The following PITPNM1 variants were observed in gnomAD, a reference collection of about 807,000 sequenced individuals.
PITPNM1 encodes membrane-associated phosphatidylinositol transfer protein 1.
In PITPNM1, 74 loss-of-function variants were observed where a neutral mutation model predicts 133.3. The observed-to-expected ratio is 0.56, with a 90% CI of 0.46 to 0.67. PITPNM1 has a LOEUF of 0.67. Ranked by LOEUF, PITPNM1 falls within the 30% of genes least tolerant of loss-of-function variation. The probability of loss-of-function intolerance (pLI) is 0.00; values close to 1 mark genes in which losing one functional copy is unlikely to be tolerated. For synonymous variants in PITPNM1, 738 were observed against 741.4 expected (o/e 1.00, Z 0.08); for missense variants, 1,398 against 1,739.5 (o/e 0.80, Z 3.49).
At chr11:67,503,950 C>T (rs1250921525) in intron 2 of PITPNM1, 153 bp downstream of exon 2, 10 of 562,552 alleles carry the variant, frequency 1.8e-5, no homozygotes, top group Non-Finnish European at 2.8e-5. Context: ...GCCCTCCTGC[C>T]CCTCTTCCCA....
upstream of PITPNM1, chr11:67,506,148 C>G (rs954248931): frequency 6.5e-6 from 1 of 153,154 alleles, no homozygotes; most frequent in South Asian, 2.1e-4. Context: ...GTTGTCAGGG[C>G]ATTAGGGCGT....
chr11:67,493,979 G>A lies in PITPNM1; in HGVS notation c.2951C>T (p.Pro984Leu), dbSNP rs1866023270. ...GCCCAGCGCGCGTTCTGGGGGAACT[G>A]GGAAGGTGAGGCGGCCCGAGCTATT... Reference protein sequence around the residue: ...VTNSSGRLTFPVPPERALGIG... With the variant: ...VTNSSGRLTFLVPPERALGIG... The change falls in exon 20 of 24, where the codon CCA (proline) becomes CTA (leucine). Residue 984 changes from proline to leucine, a missense_variant. By Grantham distance (98) the Pro-to-Leu change is moderately conservative. Around this residue, in one of 5 missense-constraint regions of PITPNM1, gnomAD observed 233 missense variants for 378.0 expected, o/e 0.62. Transcript: ENST00000356404. 6.2e-7 allele frequency: 1 copy of A among 1,611,946 alleles called. No homozygotes were observed. Among genetic ancestry groups the A allele is most frequent in the South Asian group, 1.1e-5 (1 of 90,940 alleles).
rs1866011887 is a variant in PITPNM1 at position 67,493,738 on chromosome 11, G to A, written c.3108C>T (p.Ser1036=). Residue 1036 remains serine (S), a synonymous_variant, in exon 21 of 24, where the codon TCC becomes TCT. Coordinates refer to ENST00000356404, the MANE Select transcript of PITPNM1 (RefSeq NM_004910.3). ...SIDGSFTASV[S]IMGSDPKVRA... is the part of the protein sequence containing the mutation. ...GCACCTTGGGGTCGCTGCCCATGAT[G>A]GAGACGCTGGCGGTGAAGGAGCCGT... 1.3e-6 allele frequency: 2 copies of A among 1,548,366 alleles called. No individual in the cohort carries two copies. The highest frequency in any genetic ancestry group is 1.7e-6 in the Non-Finnish European group (2 of 1,147,190).
At chr11:67,497,822 G>T in intron 12 of PITPNM1, 95 bp downstream of exon 12, 1 of 1,460,192 alleles carries the variant, frequency 6.8e-7, no homozygotes, top group Non-Finnish European at 9.4e-7. Flanking sequence ...CAGGGGGCCT[G>T]CCTGCTGGCA....
In PITPNM1 at chr11:67,497,914, G is replaced by T. The variant is rs376803073; in HGVS notation, c.1782+3C>A. ...TGAGGAGGCCGGGTTTGGCTATACT[G>T]ACCATGCTCCCACGGCGGCTGCTGC... On this transcript the variant is annotated splice_donor_region_variant and intron_variant, in intron 12 of 23. Transcript: ENST00000356404. 166 of 1,610,062 alleles carry T rather than the reference G, an allele frequency of 1.0e-4. No individual in the cohort carries two copies. The highest frequency in any genetic ancestry group is 1.4e-4 in the Non-Finnish European group (164 of 1,179,548).
rs1427152690 is a variant in PITPNM1 at position 67,495,193 on chromosome 11, C to A, written c.2515G>T (p.Asp839Tyr). 2 of 1,607,384 alleles carry A rather than the reference C, an allele frequency of 1.2e-6. No individual in the cohort carries two copies. Among genetic ancestry groups the A allele is most frequent in the Non-Finnish European group, 1.7e-6 (2 of 1,176,950 alleles). The change falls in exon 17 of 24, where the codon GAC becomes TAC. Residue 839 changes from aspartate (D) to tyrosine (Y), a missense_variant. Around this residue, in one of 5 missense-constraint regions of PITPNM1, gnomAD observed 574 missense variants for 698.7 expected, o/e 0.82. Transcript: ENST00000356404. Reference protein sequence around the residue: ...LERWWGTKRIDYSLYCPEALT... With the variant: ...LERWWGTKRIYYSLYCPEALT... ...GCCTCGGGGCAGTACAGCGAGTAGT[C>A]GATCCGCTTGGTCCCCCACCAGCGC...
intron 20 of PITPNM1, 35 bp from the exon 21 acceptor site, chr11:67,493,872 G>C: frequency 6.6e-7 from 1 of 1,520,892 alleles, no homozygotes; most frequent in Non-Finnish European, 8.8e-7. Context: ...AGTGGCGCGG[G>C]GCGAGGCCTG....
Position 67,492,076 on chromosome 11 carries a change from C to A in PITPNM1, c.3692G>T (p.Gly1231Val), listed in dbSNP as rs1217728369. ...CTTCAGGCTGATGCTCCGTGCTTTG[C>A]CCCGTGCCAGGGTGGTGGGTGGTGT... ...PGTPPTTLAR[G>V]KARSISLKLD... Residue 1231 changes from glycine to valine, a missense_variant, in exon 24 of 24, where the codon GGC (glycine) becomes GTC (valine). Physicochemically the swap from Gly to Val is moderately radical, Grantham distance 109. This residue lies in a region of PITPNM1 where 122 missense variants were observed against 123.3 expected (regional missense o/e 0.99). Coordinates refer to ENST00000356404, the MANE Select transcript of PITPNM1 (RefSeq NM_004910.3). 6.2e-7 allele frequency: 1 copy of A among 1,612,546 alleles called. No homozygotes were observed.
In PITPNM1 at chr11:67,497,400, C is replaced by A; in HGVS notation, c.1977G>T (p.Glu659Asp). 6.3e-7 allele frequency: 1 copy of A among 1,590,234 alleles called. No individual in the cohort carries two copies. Among genetic ancestry groups the A allele is most frequent in the Non-Finnish European group, 8.6e-7 (1 of 1,165,658 alleles). The change falls in exon 14 of 24, where the codon GAG (glutamate) becomes GAT (aspartate). Residue 659 changes from glutamate to aspartate, a missense_variant. Glu to Asp is a conservative substitution (Grantham distance 45, BLOSUM62 2). This residue lies in a region of PITPNM1 where 574 missense variants were observed against 698.7 expected (regional missense o/e 0.82). Coordinates refer to ENST00000356404, the MANE Select transcript of PITPNM1 (RefSeq NM_004910.3). ...QAAPATTSSW[E>D]PRRASTAFCP... The stretch of plus-strand genomic sequence containing the variant: ...AGAAGGCCGTGCTTGCCCGCCGGGG[C>A]TCCCAGGAGGAGGTGGTTGCGGGGG...
intron 2 of PITPNM1, 126 bp downstream of exon 2, chr11:67,503,977 C>T: frequency 1.5e-6 from 1 of 649,722 alleles, no homozygotes; most frequent in South Asian, 2.0e-5. Flanking sequence ...TTCCCCATTC[C>T]CACATCTGAA....
chr11:67,502,131 C>A lies in PITPNM1; in HGVS notation c.416-45G>T. On this transcript the variant is annotated intron_variant, in intron 4 of 23. Transcript: ENST00000356404. This position sits in a 1 kb window ranked among gnomAD's most constrained non-coding sequence, Gnocchi z 5.9. The stretch of plus-strand genomic sequence containing the variant: ...ATTGAGCAGCGCCAGCCCCTTTGAG[C>A]CCCCGCTCCTGGCACCCTCTTGGGA... The A allele has an allele frequency of 9.5e-6, 15 of 1,581,070 alleles. No homozygotes were observed. The highest frequency in any genetic ancestry group is 1.2e-5 in the Non-Finnish European group (14 of 1,158,338).
chr11:67,499,484 A>G (rs1866241760), intron 8 of PITPNM1, among the ~76,000 whole-genome samples: 1 of 149,256 alleles, frequency 6.7e-6, no homozygotes, highest in Non-Finnish European at 1.5e-5. Context: ...TGAAGCATTC[A>G]GGGAGTCCAA....
chr11:67,502,189 G>T lies in PITPNM1; in HGVS notation c.415+103C>A. The T allele has an allele frequency of 1.9e-6, 3 of 1,559,740 alleles. No individual in the cohort carries two copies. The highest frequency in any genetic ancestry group is 2.6e-6 in the Non-Finnish European group (3 of 1,146,850). The stretch of plus-strand genomic sequence containing the variant: ...ACAGTTCCCGTCCTTTTGCAGACAG[G>T]ACATGAGGCCTGGAGAGGGCTGGGA... On this transcript the variant is annotated intron_variant, in intron 4 of 23. Coordinates refer to ENST00000356404, the MANE Select transcript of PITPNM1 (RefSeq NM_004910.3). The surrounding 1 kb of genome is among the most constrained non-coding windows in gnomAD (Gnocchi z 5.9).
Position 67,502,478 on chromosome 11 carries a change from G to C in PITPNM1, c.293+26C>G. On this transcript the variant is annotated intron_variant, in intron 3 of 23. Coordinates refer to ENST00000356404, the MANE Select transcript of PITPNM1 (RefSeq NM_004910.3). The surrounding 1 kb of genome is among the most constrained non-coding windows in gnomAD (Gnocchi z 5.9). ...CCAGGGCCGCTCCCCTCCTGGCCTC[G>C]GACCATGCCCAGCTCACCCACTCAC... 6.2e-7 allele frequency: 1 copy of C among 1,613,568 alleles called. No homozygotes were observed.
chr11:67,504,025 T>C lies in PITPNM1; in HGVS notation c.78+78A>G. 1 of 1,156,168 alleles carries C rather than the reference T, an allele frequency of 8.6e-7. No homozygotes were observed. The highest frequency in any genetic ancestry group is 1.2e-6 in the Non-Finnish European group (1 of 818,254). 71.6% of individuals were successfully genotyped at this position (1,156,168 alleles called of 1,614,324 possible). ...TTGCCTCCTCCGGGCTCCCAGCCGG[T>C]CCCAGCCCCGGGGCAGGGCTGGCGG... On this transcript the variant is annotated intron_variant, in intron 2 of 23. Transcript: ENST00000356404. This position sits in a 1 kb window ranked among gnomAD's most constrained non-coding sequence, Gnocchi z 5.4.
intron 8 of PITPNM1, 52 bp downstream of exon 8, chr11:67,499,671 T>G: frequency 1.4e-5 from 12 of 876,260 alleles, no homozygotes; most frequent in Non-Finnish European, 2.0e-5. Flanking sequence ...ATTAAACTCA[T>G]GACCTGCTGT....
upstream of PITPNM1, chr11:67,505,373 C>T (rs1866470013): frequency 6.6e-6 from 1 of 152,158 alleles, no homozygotes; most frequent in Non-Finnish European, 1.5e-5. The surrounding 1 kb of genome is among the most constrained non-coding windows in gnomAD (Gnocchi z 5.8). Context: ...TGCAGTCCCT[C>T]CCCGACGCCC....
intron 18 of PITPNM1, 59 bp from the exon 19 acceptor site, chr11:67,494,419 G>T: frequency 7.9e-7 from 1 of 1,258,490 alleles, no homozygotes; most frequent in Non-Finnish European, 1.1e-6. Context: ...GCTTGGGGAG[G>T]GGGAGCGGGT....
rs1866279094 is a variant in PITPNM1 at position 67,500,188 on chromosome 11, C to T, written c.874G>A (p.Glu292Lys). 2 of 1,602,072 alleles carry T rather than the reference C, an allele frequency of 1.2e-6. No individual in the cohort carries two copies. The highest frequency in any genetic ancestry group is 1.7e-6 in the Non-Finnish European group (2 of 1,177,040). Residue 292 changes from glutamate (E) to lysine (K), a missense_variant, in exon 6 of 24, where the codon GAG (glutamate) becomes AAG (lysine). This residue lies in a region of PITPNM1 where 195 missense variants were observed against 178.8 expected (regional missense o/e 1.09). Transcript: ENST00000356404. ...ASNTGTPDGP[E>K]APPGPDASPD... is the part of the protein sequence containing the mutation. ...GAGGCATCTGGGCCTGGGGGGGCCT[C>T]AGGCCCATCGGGGGTGCCAGTGTTG... is the stretch of plus-strand genomic sequence containing the variant.
Sources: allele counts gnomAD v4.1 joint callset (sites outside exome capture counted in the v4.1 genomes callset), GRCh38; gene constraint gnomAD v4.1.1; regional missense constraint gnomAD v4.1.1; non-coding constraint Gnocchi (gnomAD v3.1); transcripts MANE v1.5; gene names NCBI Gene and HGNC (gene_info 2026-07-23, HGNC 2026-07-21).